The following DMD variants were observed in gnomAD, a reference collection of about 807,000 sequenced individuals.
DMD encodes mutant dystrophin.
In DMD, 63 loss-of-function variants were observed where a neutral mutation model predicts 330.1. That is an observed-to-expected ratio of 0.19 (90% CI 0.16 to 0.24). DMD has a LOEUF of 0.24. Among genes scored for constraint, DMD ranks in the 10% least tolerant of loss-of-function variants. DMD has a pLI of 1.00. For synonymous variants in DMD, 1,223 were observed against 959.8 expected (o/e 1.27, Z -5.07); for missense variants, 3,344 against 2,684.1 (o/e 1.25, Z -5.43).
rs1044416624 is a variant in DMD, at chrX:31,250,267, A to G, written c.9286+10688T>C. On this transcript the variant is annotated intron_variant, in intron 63 of 78. Coordinates refer to ENST00000357033, the MANE Select transcript of DMD (RefSeq NM_004006.3). ...TATATTTAATTATAGGGGGTGCGAG[A>G]GACATTAAACTAGGCAGCAGTGGCT... Among the ~76,000 whole-genome samples the G allele has an allele frequency of 9.0e-5, 10 of 111,491 alleles. No homozygotes were observed. The Admixed American group carries it at 9.6e-4, about 11-fold the overall frequency.
chrX:32,540,078 A>C (rs1049291028), intron 17 of DMD, among the ~76,000 whole-genome samples: 1 of 111,958 alleles, frequency 8.9e-6, no homozygotes, highest in African/African-American at 3.2e-5. Context: ...ACAAAAGTAT[A>C]AATTAAAGCT....
chrX:31,643,387 C>T (rs5927789), intron 54 of DMD, among the ~76,000 whole-genome samples: 37,790 of 110,300 alleles, frequency 0.34, 4,964 homozygotes, highest in African/African-American at 0.43. Context: ...TTTTTTAAAA[C>T]TTTTCATTTG....
At chrX:31,122,183 T>G (rs1303605753) in intron 78 of DMD, among the ~76,000 whole-genome samples, 3 of 111,942 alleles carry the variant, frequency 2.7e-5, no homozygotes, top group Admixed American at 1.9e-4. Flanking sequence ...GGTGTTTACA[T>G]GGAAAAATGT....
chrX:32,442,805 G>A (rs1273287842), intron 27 of DMD, among the ~76,000 whole-genome samples: 2 of 110,418 alleles, frequency 1.8e-5, no homozygotes, highest in Admixed American at 1.9e-4. Flanking sequence ...ATACAGACGT[G>A]ACAATGAAAA....
rs947357777 is a variant in DMD at position 32,729,786 on chromosome X, T to C, written c.650-30493A>G. Among the ~76,000 whole-genome samples the C allele has an allele frequency of 2.7e-5, 3 of 112,112 alleles. No homozygotes were observed. The Admixed American group carries it at 2.9e-4, about 11-fold the overall frequency. ...TAATTAAATATGTGTGTTATTCTTT[T>C]GACTTTCCTATCAAAGTAAAAACGT... is the stretch of plus-strand genomic sequence containing the variant. On this transcript the variant is annotated intron_variant, in intron 7 of 78. Coordinates refer to ENST00000357033, the MANE Select transcript of DMD (RefSeq NM_004006.3).
chrX:31,539,683 A>G (rs1040172853), intron 55 of DMD, among the ~76,000 whole-genome samples: 3 of 112,206 alleles, frequency 2.7e-5, no homozygotes, highest in Non-Finnish European at 5.6e-5. Context: ...GGAACAACGA[A>G]GAGATCATCT....
chrX:32,007,241 AATAATAAT>A (rs2095669328), intron 44 of DMD, among the ~76,000 whole-genome samples: 1 of 105,994 alleles, frequency 9.4e-6, no homozygotes, highest in Non-Finnish European at 1.9e-5. Context: ...TAATAATAAT[AATAATAAT>A]AAAGAAAAGA....
chrX:32,794,070 T>C (rs2076014181), intron 7 of DMD, among the ~76,000 whole-genome samples: 2 of 111,668 alleles, frequency 1.8e-5, no homozygotes, highest in Non-Finnish European at 3.8e-5. Context: ...GGATACATCA[T>C]ACACAAATCA....
In DMD at chrX:31,208,524, C is replaced by T. The variant is rs2222859; in HGVS notation, c.9563+974G>A. Among the ~76,000 whole-genome samples, 1,958 of 111,599 alleles carry T rather than the reference C, an allele frequency of 0.018. 37 individuals are homozygous for T. The highest frequency in any genetic ancestry group is 0.056 in the African/African-American group (1,732 of 30,719). The stretch of plus-strand genomic sequence containing the variant: ...GTGAACGTAGTTCACAATTGAAATC[C>T]GACATGTTCAAGGACTTGGTAGATG... On this transcript the variant is annotated intron_variant, in intron 65 of 78. Coordinates refer to ENST00000357033, the MANE Select transcript of DMD (RefSeq NM_004006.3).
intron 47 of DMD, among the ~76,000 whole-genome samples, chrX:31,879,989 C>T (rs1159063574): frequency 8.9e-6 from 1 of 111,999 alleles, no homozygotes; most frequent in Admixed American, 9.5e-5. Context: ...AAAACAAACA[C>T]ATTCAATTCC....
At chrX:32,603,965 T>G (rs2149303940) in intron 12 of DMD, among the ~76,000 whole-genome samples, 1 of 110,731 alleles carries the variant, frequency 9.0e-6, no homozygotes, top group Non-Finnish European at 1.9e-5. Context: ...TTGCAAAATA[T>G]CAAACAAGAG....
chrX:32,723,181 TGA>T (rs2066507651), intron 7 of DMD, among the ~76,000 whole-genome samples: 2 of 111,850 alleles, frequency 1.8e-5, no homozygotes, highest in Admixed American at 1.9e-4. Flanking sequence ...CTGCATGTAT[TGA>T]GATAATCATG....
At chrX:31,781,409 C>T (rs1690378655) in intron 50 of DMD, among the ~76,000 whole-genome samples, 1 of 111,845 alleles carries the variant, frequency 8.9e-6, no homozygotes, top group Non-Finnish European at 1.9e-5. Context: ...TATATGGTAT[C>T]CATGAAATAT....
chrX:32,460,588 C>G (rs956161883), intron 25 of DMD, among the ~76,000 whole-genome samples: 2 of 110,897 alleles, frequency 1.8e-5, no homozygotes, highest in East Asian at 2.8e-4. Flanking sequence ...CTCATTTTCC[C>G]ACTCTTTTTC....
chrX:31,196,960 C>T (rs1452621529), intron 67 of DMD, among the ~76,000 whole-genome samples: 1 of 108,545 alleles, frequency 9.2e-6, no homozygotes, highest in African/African-American at 3.4e-5. Flanking sequence ...TCTCCAGAAT[C>T]TCTAAAATGC....
At chrX:31,668,677 G>T (rs988609667) in intron 53 of DMD, among the ~76,000 whole-genome samples, 1 of 110,472 alleles carries the variant, frequency 9.1e-6, no homozygotes, top group Non-Finnish European at 1.9e-5. Context: ...ATTAACTATG[G>T]TCACCAGGTT....
chrX:32,815,043 T>A (rs916006341), intron 6 of DMD, among the ~76,000 whole-genome samples: 1 of 111,354 alleles, frequency 9.0e-6, no homozygotes, highest in Admixed American at 9.6e-5. Context: ...AACATTTTCT[T>A]CTGTCATACG....
intron 1 of DMD, among the ~76,000 whole-genome samples, chrX:33,305,781 G>A (rs1164857377): frequency 3.6e-5 from 4 of 110,829 alleles, no homozygotes; most frequent in African/African-American, 9.8e-5. Flanking sequence ...AGAGCATTAC[G>A]TTTTCCTCCC....
At chrX:31,759,728 T>C (rs1182240592) in intron 51 of DMD, among the ~76,000 whole-genome samples, 1 of 112,012 alleles carries the variant, frequency 8.9e-6, no homozygotes, top group Non-Finnish European at 1.9e-5. Context: ...TTTCGTAGAA[T>C]GCTGTGTTAA....
Sources: allele counts gnomAD v4.1 joint callset (sites outside exome capture counted in the v4.1 genomes callset), GRCh38; gene constraint gnomAD v4.1.1; transcripts MANE v1.5; gene names NCBI Gene and HGNC (gene_info 2026-07-23, HGNC 2026-07-21).